RNF41: variants seen among roughly 807,000 people sequenced by gnomAD.
RNF41 encodes E3 ubiquitin-protein ligase NRDP1.
In RNF41, 4 loss-of-function variants were observed where a neutral mutation model predicts 33.0. The observed-to-expected ratio is 0.12, with a 90% CI of 0.06 to 0.28. The LOEUF (loss-of-function observed/expected upper bound fraction) is 0.28. Among genes scored for constraint, RNF41 ranks in the 10% least tolerant of loss-of-function variants. The pLI is 1.00. For synonymous variants in RNF41, 164 were observed against 153.2 expected, an observed-to-expected ratio of 1.07 and a Z score of -0.52; for missense variants, 228 against 432.6, an observed-to-expected ratio of 0.53 and a Z score of 4.19.
chr12:56,220,426 A>G (rs958260113), intron 1 of RNF41, among the ~76,000 whole-genome samples: 1 of 149,904 alleles, frequency 6.7e-6, no homozygotes, highest in East Asian at 2.1e-4. Context: ...TGTGTTGCCC[A>G]GGCTGGTCTC....
chr12:56,206,356 A>G lies in RNF41; in HGVS notation c.*91T>C, dbSNP rs1868264307. On this transcript the variant is annotated 3_prime_UTR_variant, in exon 7 of 7. Coordinates refer to ENST00000345093, the MANE Select transcript of RNF41 (RefSeq NM_005785.4). This position sits in a 1 kb window ranked among gnomAD's most constrained non-coding sequence, Gnocchi z 5.7. ...GTGTGGCTCAGGTATAAGCCACAGTATTAAGAATGGTGGGTAGGACTCAGG... is the reference window on the plus strand; with the variant it reads ...GTGTGGCTCAGGTATAAGCCACAGTGTTAAGAATGGTGGGTAGGACTCAGG... 9.0e-7 allele frequency: 1 copy of G among 1,114,174 alleles called. No individual in the cohort carries two copies. Among genetic ancestry groups the G allele is most frequent in the African/African-American group, 1.6e-5 (1 of 64,466 alleles). The allele number at this position is 1,114,174 out of a possible 1,614,324, so 69.0% of individuals were successfully genotyped here.
chr12:56,213,192 C>A, intron 3 of RNF41: 1 of 1,180,892 alleles, frequency 8.5e-7, no homozygotes, highest in Non-Finnish European at 1.1e-6. Flanking sequence ...TTCCCCACTT[C>A]CTATTTGTTT....
chr12:56,214,308 G>A (rs938109640), intron 2 of RNF41, among the ~76,000 whole-genome samples: 1 of 151,970 alleles, frequency 6.6e-6, no homozygotes, highest in Non-Finnish European at 1.5e-5. Context: ...ATCACCTGAG[G>A]TCAGGAGTTC....
chr12:56,218,435 G>T (rs1485283958), intron 1 of RNF41, among the ~76,000 whole-genome samples: 1 of 149,698 alleles, frequency 6.7e-6, no homozygotes, highest in Non-Finnish European at 1.5e-5. Context: ...GCTAATTTTT[G>T]TATTTTTGGT....
At chr12:56,214,151 C>A in intron 2 of RNF41, 81 bp from the exon 3 acceptor site, 1 of 779,628 alleles carries the variant, frequency 1.3e-6, no homozygotes, top group Non-Finnish European at 2.3e-6. Context: ...TGCCAAGATC[C>A]ATTCATTTAT....
rs79274397 is a variant in RNF41 at position 56,215,208 on chromosome 12, G to A, written c.-23-1138C>T. ...GCCTGTCAAGAGACAAGGCTGGAGA[G>A]GCAAGCAAGGGCCATGCTGTGAAAA... On this transcript the variant is annotated intron_variant, in intron 2 of 6. Coordinates refer to ENST00000345093, the MANE Select transcript of RNF41 (RefSeq NM_005785.4). Among the ~76,000 whole-genome samples, 472 of 152,334 alleles carry A rather than the reference G, an allele frequency of 3.1e-3. 2 individuals are homozygous for A. Among genetic ancestry groups the A allele is most frequent in the African/African-American group, 0.01 (421 of 41,572 alleles).
At chr12:56,218,374 C>CA (rs935723810) in intron 1 of RNF41, among the ~76,000 whole-genome samples, 2 of 151,544 alleles carry the variant, frequency 1.3e-5, no homozygotes, top group African/African-American at 4.9e-5. Flanking sequence ...GCAATCCTCC[C>CA]ACCTCAGTCT....
In RNF41 at chr12:56,206,846, C is replaced by A; in HGVS notation, c.603-48G>T. 7.2e-7 allele frequency: 1 copy of A among 1,384,538 alleles called. No individual in the cohort carries two copies. The highest frequency in any genetic ancestry group is 1.4e-5 in the African/African-American group (1 of 69,176). 85.8% of individuals were successfully genotyped at this position (1,384,538 alleles called of 1,614,324 possible). Reference sequence around the variant, plus strand: ...GGTCATTCCAGCTCATCTCCTTTCTCTGTATTGGCTTTTTCTGCTAATAGA... The same window carrying A: ...GGTCATTCCAGCTCATCTCCTTTCTATGTATTGGCTTTTTCTGCTAATAGA... On this transcript the variant is annotated intron_variant, in intron 6 of 6. Transcript: ENST00000345093. This position sits in a 1 kb window ranked among gnomAD's most constrained non-coding sequence, Gnocchi z 5.7.
chr12:56,212,000 A>G (rs1168873625), intron 3 of RNF41, among the ~76,000 whole-genome samples: 2 of 143,644 alleles, frequency 1.4e-5, no homozygotes, highest in Non-Finnish European at 3.1e-5. Context: ...AAAGCTAAAT[A>G]AGGCCGGGCA....
In RNF41 at chr12:56,206,833, TC is replaced by T; in HGVS notation, c.603-36del. The T allele has an allele frequency of 6.8e-7, 1 of 1,479,026 alleles. No individual in the cohort carries two copies. Among genetic ancestry groups the T allele is most frequent in the Non-Finnish European group, 9.3e-7 (1 of 1,075,596 alleles). 91.6% of individuals were successfully genotyped at this position (1,479,026 alleles called of 1,614,324 possible). A position where few individuals can be genotyped will look rare whatever the true frequency, so the allele number is the denominator to read the frequency against. The stretch of plus-strand genomic sequence containing the variant: ...GGTGGTTAAAGATGGTCATTCCAGC[TC>T]ATCTCCTTTCTCTGTATTGGCTTTT... On this transcript the variant is annotated intron_variant, in intron 6 of 6. Coordinates refer to ENST00000345093, the MANE Select transcript of RNF41 (RefSeq NM_005785.4). The surrounding 1 kb of genome is among the most constrained non-coding windows in gnomAD (Gnocchi z 5.7).
chr12:56,219,442 G>T (rs984953213), intron 1 of RNF41, among the ~76,000 whole-genome samples: 1 of 151,234 alleles, frequency 6.6e-6, no homozygotes, highest in African/African-American at 2.4e-5. Flanking sequence ...TGATCTGCCT[G>T]CCTCGGCCTC....
At position 56,205,722 on chromosome 12, in the gene RNF41, C is replaced by A. The variant is rs1868255536; in HGVS notation, c.*725G>T. The A allele has an allele frequency of 6.6e-6, 1 of 152,624 alleles. No homozygotes were observed. Among genetic ancestry groups the A allele is most frequent in the Non-Finnish European group, 1.5e-5 (1 of 68,054 alleles). 9.5% of individuals were successfully genotyped at this position (152,624 alleles called of 1,614,324 possible). On this transcript the variant is annotated 3_prime_UTR_variant, in exon 7 of 7. Transcript: ENST00000345093. ...AGAGGCAGTGCCAACCATATTTTAGCAAAAGCTAGGAGTAGCTTCTTGCTA... is the reference window on the plus strand; with the variant it reads ...AGAGGCAGTGCCAACCATATTTTAGAAAAAGCTAGGAGTAGCTTCTTGCTA...
At chr12:56,208,999 G>C (rs1409251954) in intron 4 of RNF41, among the ~76,000 whole-genome samples, 2 of 151,536 alleles carry the variant, frequency 1.3e-5, no homozygotes, top group Admixed American at 6.6e-5. Context: ...CGAGTAGCTG[G>C]GATTACAGGT....
chr12:56,213,988 A>T lies in RNF41; in HGVS notation c.60T>A (p.Ile20=), dbSNP rs1380806907. 1 of 1,614,060 alleles carries T rather than the reference A, an allele frequency of 6.2e-7. No individual in the cohort carries two copies. The highest frequency in any genetic ancestry group is 1.7e-5 in the Admixed American group (1 of 60,014). The change falls in exon 3 of 7, where the codon ATT becomes ATA. Residue 20 remains isoleucine (I), a synonymous_variant. Coordinates refer to ENST00000345093, the MANE Select transcript of RNF41 (RefSeq NM_005785.4). Reference sequence around the variant, plus strand: ...CTGGCTCCTCCAAGACTCCACTGCAAATAGGGCAGATAAGATCTTCGTCAA... The same window carrying T: ...CTGGCTCCTCCAAGACTCCACTGCATATAGGGCAGATAAGATCTTCGTCAA... ...GDVDEDLICP[I]CSGVLEEPVQ... is the part of the protein sequence containing the mutation.
chr12:56,217,566 A>G (rs1368173411), intron 1 of RNF41, among the ~76,000 whole-genome samples: 1 of 152,120 alleles, frequency 6.6e-6, no homozygotes. Context: ...AGCAAAATGC[A>G]TAGATCCATA....
At chr12:56,216,228 T>C (rs1868883621) in intron 2 of RNF41, among the ~76,000 whole-genome samples, 1 of 152,178 alleles carries the variant, frequency 6.6e-6, no homozygotes, top group Admixed American at 6.5e-5. Context: ...ATAAACGTAT[T>C]AAGCAAATTA....
Position 56,206,832 on chromosome 12 carries a change from C to A in RNF41, c.603-34G>T. ...AGGTGGTTAAAGATGGTCATTCCAG[C>A]TCATCTCCTTTCTCTGTATTGGCTT... On this transcript the variant is annotated intron_variant, in intron 6 of 6. Coordinates refer to ENST00000345093, the MANE Select transcript of RNF41 (RefSeq NM_005785.4). This position sits in a 1 kb window ranked among gnomAD's most constrained non-coding sequence, Gnocchi z 5.7. The A allele has an allele frequency of 6.7e-7, 1 of 1,494,784 alleles. No individual in the cohort carries two copies. Among genetic ancestry groups the A allele is most frequent in the Non-Finnish European group, 9.2e-7 (1 of 1,087,594 alleles). The allele number at this position is 1,494,784 out of a possible 1,614,324, so 92.6% of individuals were successfully genotyped here. A position where few individuals can be genotyped will look rare whatever the true frequency, so the allele number is the denominator to read the frequency against.
chr12:56,207,506 G>C, intron 6 of RNF41, 140 bp downstream of exon 6: 1 of 784,542 alleles, frequency 1.3e-6, no homozygotes, highest in Non-Finnish European at 2.2e-6. Context: ...CTCTGCCCCT[G>C]TCCTTAATGC....
At chr12:56,207,116 TC>T in intron 6 of RNF41, 2 of 1,317,450 alleles carry the variant, frequency 1.5e-6, no homozygotes, top group Non-Finnish European at 9.8e-7. Flanking sequence ...TATTCCTCTA[TC>T]CTATGTCCCA....
Sources: allele counts gnomAD v4.1 joint callset (sites outside exome capture counted in the v4.1 genomes callset), GRCh38; gene constraint gnomAD v4.1.1; non-coding constraint Gnocchi (gnomAD v3.1); transcripts MANE v1.5; gene names NCBI Gene and HGNC (gene_info 2026-07-23, HGNC 2026-07-21).